Variants in RAB8B observed in about 807,000 individuals in gnomAD.
RAB8B encodes ras-related protein Rab-8B.
RAB8B carries 11 observed loss-of-function variants against 32.0 expected under a neutral mutation model. That is an observed-to-expected ratio of 0.34 (90% CI 0.22 to 0.57). The LOEUF (loss-of-function observed/expected upper bound fraction) is 0.57, where lower values mean the gene tolerates loss of function less well. Ranked by LOEUF, RAB8B falls within the 20% of genes least tolerant of loss-of-function variation. The pLI, the probability that RAB8B is intolerant of heterozygous loss-of-function variation, is 0.86. For synonymous variants in RAB8B, 103 were observed against 89.6 expected (o/e 1.15, Z -0.85); for missense variants, 190 against 258.5 (o/e 0.73, Z 1.82).
chr15:63,244,714 A>G (rs375395180), intron 1 of RAB8B, 42 bp from the exon 2 acceptor site: 22 of 1,463,734 alleles, frequency 1.5e-5, no homozygotes, highest in Non-Finnish European at 2.0e-5. Flanking sequence ...CTTGGATTAT[A>G]TCTGAAGAAA....
rs2038188086 is a variant in RAB8B, at chr15:63,259,732, C to A, written c.480+40C>A. On this transcript the variant is annotated intron_variant, in intron 6 of 7. Transcript: ENST00000321437. This position sits in a 1 kb window ranked among gnomAD's most constrained non-coding sequence, Gnocchi z 4.4. Reference sequence around the variant, plus strand: ...TTTGGTGACTGTTACGGAGCAGCACCAGTGCTTAGGGGCCTGTGTTCAAAC... The same window carrying A: ...TTTGGTGACTGTTACGGAGCAGCACAAGTGCTTAGGGGCCTGTGTTCAAAC... 2 of 1,559,452 alleles carry A rather than the reference C, an allele frequency of 1.3e-6. No individual in the cohort carries two copies. Among genetic ancestry groups the A allele is most frequent in the East Asian group, 2.2e-5 (1 of 44,558 alleles).
intron 1 of RAB8B, among the ~76,000 whole-genome samples, chr15:63,190,908 T>A (rs2037550936): frequency 6.6e-6 from 1 of 152,242 alleles, no homozygotes; most frequent in Non-Finnish European, 1.5e-5. Context: ...TTACTTCCAA[T>A]TGAATCAAGA....
intron 1 of RAB8B, among the ~76,000 whole-genome samples, chr15:63,211,747 A>G (rs1223159010): frequency 6.6e-6 from 1 of 152,174 alleles, no homozygotes; most frequent in Non-Finnish European, 1.5e-5. Flanking sequence ...ACTGGTCATG[A>G]TAGATATTGA....
chr15:63,215,267 A>G (rs561249803), intron 1 of RAB8B, among the ~76,000 whole-genome samples: 10 of 152,316 alleles, frequency 6.6e-5, no homozygotes, highest in African/African-American at 2.4e-4. Context: ...TCATTGATGC[A>G]TTGATTTTAT....
chr15:63,267,689 G>T lies in RAB8B; in HGVS notation c.*4070G>T, dbSNP rs978983207. Reference sequence around the variant, plus strand: ...AACTGTGTACTGATACTGATGCTATGTTTTTTTTAAATGGATTTTATTCCA... The same window carrying T: ...AACTGTGTACTGATACTGATGCTATTTTTTTTTTAAATGGATTTTATTCCA... On this transcript the variant is annotated 3_prime_UTR_variant, in exon 8 of 8. Coordinates refer to ENST00000321437, the MANE Select transcript of RAB8B (RefSeq NM_016530.3). The T allele has an allele frequency of 6.6e-6, 1 of 151,746 alleles. No homozygotes were observed. Among genetic ancestry groups the T allele is most frequent in the African/African-American group, 2.4e-5 (1 of 41,276 alleles). 9.4% of individuals were successfully genotyped at this position (151,746 alleles called of 1,614,324 possible). A position where few individuals can be genotyped will look rare whatever the true frequency, so the allele number is the denominator to read the frequency against.
At chr15:63,229,497 G>T (rs776533026) in intron 1 of RAB8B, among the ~76,000 whole-genome samples, 1 of 152,036 alleles carries the variant, frequency 6.6e-6, no homozygotes, top group Non-Finnish European at 1.5e-5. Context: ...TCCAGTATTT[G>T]AAAAGAAGGC....
At chr15:63,197,390 T>TC (rs2037611690) in intron 1 of RAB8B, among the ~76,000 whole-genome samples, 1 of 145,728 alleles carries the variant, frequency 6.9e-6, no homozygotes, top group Non-Finnish European at 1.5e-5. Flanking sequence ...TTTTTTTTTT[T>TC]TAAGACAGAG....
rs549424391 is a variant in RAB8B at position 63,196,364 on chromosome 15, G to C, written c.124+6616G>C. Among the ~76,000 whole-genome samples the C allele has an allele frequency of 9.2e-5, 14 of 152,340 alleles. No homozygotes were observed. In the South Asian group the frequency reaches 2.1e-3, roughly 23 times the overall value. ...TTAAATTATTTTCATTTTCCAGGCAGATGAGGTGGACTAGTATGTTTGGCA... is the reference window on the plus strand; with the variant it reads ...TTAAATTATTTTCATTTTCCAGGCACATGAGGTGGACTAGTATGTTTGGCA... On this transcript the variant is annotated intron_variant, in intron 1 of 7. Coordinates refer to ENST00000321437, the MANE Select transcript of RAB8B (RefSeq NM_016530.3).
chr15:63,258,827 CTGAT>C (rs1285772826), intron 5 of RAB8B, among the ~76,000 whole-genome samples: 10 of 152,276 alleles, frequency 6.6e-5, no homozygotes, highest in Admixed American at 6.5e-4. Context: ...GCGCAGACGT[CTGAT>C]TGGTTGTGGG....
At chr15:63,244,905 G>T (rs1595747212) in intron 2 of RAB8B, 89 bp downstream of exon 2, 1 of 1,101,728 alleles carries the variant, frequency 9.1e-7, no homozygotes, top group Non-Finnish European at 1.3e-6. Flanking sequence ...GAGGCATCTT[G>T]TGATAGCTAA....
intron 1 of RAB8B, among the ~76,000 whole-genome samples, chr15:63,229,092 C>T (rs998484106): frequency 6.6e-6 from 1 of 152,108 alleles, no homozygotes; most frequent in Non-Finnish European, 1.5e-5. Flanking sequence ...TCTATATAAC[C>T]TTGGTAACAA....
rs146727821 is a variant in RAB8B at position 63,216,200 on chromosome 15, T to TTTAA, written c.124+26480_124+26483dup. ...ATAAATGTTTCAATCCAACTTTTAC[T>TTTAA]TTAATTAATTAATTAATTAATTAAT... is the stretch of plus-strand genomic sequence containing the variant. On this transcript the variant is annotated intron_variant, in intron 1 of 7. Transcript: ENST00000321437. Among the ~76,000 whole-genome samples, 44 of 133,472 alleles carry TTTAA rather than the reference T, an allele frequency of 3.3e-4. 1 individual carries two copies. The highest frequency in any genetic ancestry group is 1.2e-3 in the African/African-American group (41 of 35,178). 87.6% of individuals were successfully genotyped at this position (133,472 alleles called of 152,430 possible).
chr15:63,256,671 T>G (rs935292466), intron 5 of RAB8B, 77 bp downstream of exon 5: 3 of 1,098,030 alleles, frequency 2.7e-6, no homozygotes, highest in Admixed American at 5.5e-5. Flanking sequence ...ATTTAATTAT[T>G]GATTTTTTTT....
chr15:63,199,659 TGTTTG>T (rs1236746686), intron 1 of RAB8B, among the ~76,000 whole-genome samples: 2 of 152,174 alleles, frequency 1.3e-5, no homozygotes, highest in Non-Finnish European at 2.9e-5. Context: ...GGGTTTTTTT[TGTTTG>T]TTTTTTGTTT....
intron 1 of RAB8B, among the ~76,000 whole-genome samples, chr15:63,227,781 T>G (rs994892454): frequency 6.6e-6 from 1 of 152,152 alleles, no homozygotes; most frequent in South Asian, 2.1e-4. Flanking sequence ...ACAAAACAAA[T>G]TGTTCACCAA....
At chr15:63,200,706 G>A (rs1006061914) in intron 1 of RAB8B, among the ~76,000 whole-genome samples, 1 of 152,036 alleles carries the variant, frequency 6.6e-6, no homozygotes, top group African/African-American at 2.4e-5. Flanking sequence ...ATAATAGGAA[G>A]CCCTTTGCTG....
chr15:63,203,345 C>T (rs2037668652), intron 1 of RAB8B, among the ~76,000 whole-genome samples: 1 of 152,168 alleles, frequency 6.6e-6, no homozygotes, highest in African/African-American at 2.4e-5. Context: ...AGTTCAAATT[C>T]CTGTTTGAAA....
chr15:63,256,219 G>A (rs1470444645), intron 4 of RAB8B, among the ~76,000 whole-genome samples: 1 of 152,028 alleles, frequency 6.6e-6, no homozygotes, highest in Non-Finnish European at 1.5e-5. Flanking sequence ...GTCCTTCTTT[G>A]ACCTGAATAT....
rs1314264985 is a variant in RAB8B at position 63,263,679 on chromosome 15, CA to C, written c.*61del. Reference sequence around the variant, plus strand: ...GGGCCCTTTCCTGCTTCTCTGAAAGCACAGGTCACCCAGCCTCAGAATCACA... The same window carrying C: ...GGGCCCTTTCCTGCTTCTCTGAAAGCCAGGTCACCCAGCCTCAGAATCACA... On this transcript the variant is annotated 3_prime_UTR_variant, in exon 8 of 8. Coordinates refer to ENST00000321437, the MANE Select transcript of RAB8B (RefSeq NM_016530.3). The C allele has an allele frequency of 5.9e-6, 8 of 1,358,472 alleles. No homozygotes were observed. In the East Asian group the frequency reaches 1.9e-4, roughly 31 times the overall value. The allele number at this position is 1,358,472 out of a possible 1,614,324, so 84.2% of individuals were successfully genotyped here.
Sources: gnomAD v4.1 joint callset for allele counts (sites outside exome capture counted in the v4.1 genomes callset) on GRCh38, gnomAD v4.1.1 for gene constraint, Gnocchi (gnomAD v3.1) non-coding constraint, MANE v1.5 for transcripts, NCBI Gene and HGNC (gene_info 2026-07-23, HGNC 2026-07-21) for gene names.